WWOX: variants seen among roughly 807,000 people sequenced by gnomAD.
WWOX encodes the protein WW domain-containing oxidoreductase.
WWOX carries 69 observed loss-of-function variants against 46.2 expected under a neutral mutation model. The observed-to-expected ratio is 1.49, with a 90% confidence interval of 1.23 to 1.82. WWOX has a LOEUF of 1.82. WWOX is among the 40% of genes most tolerant of loss of function. The pLI, the probability that WWOX is intolerant of heterozygous loss-of-function variation, is 0.00. For missense variants in WWOX, 919 were observed against 542.6 expected (o/e 1.69, Z -6.89); for synonymous variants, 359 against 202.6 (o/e 1.77, Z -6.56).
At chr16:78,837,081 C>T (rs996470425) in intron 8 of WWOX, among the ~76,000 whole-genome samples, 4 of 151,690 alleles carry the variant, frequency 2.6e-5, no homozygotes, top group Non-Finnish European at 5.9e-5. Flanking sequence ...TTGCAGATGG[C>T]CCTTTGCTGC....
intron 8 of WWOX, among the ~76,000 whole-genome samples, chr16:78,726,714 T>C (rs985294174): frequency 3.5e-5 from 4 of 114,088 alleles, no homozygotes. Flanking sequence ...TGGTTTTGTT[T>C]TGTTTTGTTC....
At chr16:78,359,264 G>C (rs1435967184) in intron 5 of WWOX, among the ~76,000 whole-genome samples, 2 of 152,140 alleles carry the variant, frequency 1.3e-5, no homozygotes, top group African/African-American at 2.4e-5. Flanking sequence ...TTGGCAATTT[G>C]TTCCAATATT....
chr16:78,457,187 T>C (rs2083840546), intron 8 of WWOX, among the ~76,000 whole-genome samples: 1 of 152,372 alleles, frequency 6.6e-6, no homozygotes, highest in African/African-American at 2.4e-5. Context: ...TCTTCATTAA[T>C]AGACCTTTCA....
At chr16:78,641,832 G>A (rs1435826658) in intron 8 of WWOX, among the ~76,000 whole-genome samples, 1 of 152,214 alleles carries the variant, frequency 6.6e-6, no homozygotes, top group Non-Finnish European at 1.5e-5. Context: ...GCAGAAAGCA[G>A]CTGCAGAATT....
chr16:78,250,064 T>TG (rs1333237682), intron 5 of WWOX, among the ~76,000 whole-genome samples: 1 of 152,206 alleles, frequency 6.6e-6, no homozygotes, highest in Non-Finnish European at 1.5e-5. Context: ...GACCTGGCCT[T>TG]GGGCAAGCCA....
intron 8 of WWOX, among the ~76,000 whole-genome samples, chr16:79,079,610 C>G (rs554328314): frequency 6.6e-6 from 1 of 152,222 alleles, no homozygotes; most frequent in Non-Finnish European, 1.5e-5. Context: ...AAATGTTCGG[C>G]TTTGACCTGT....
At chr16:78,424,390 G>A (rs1019368974) in intron 6 of WWOX, among the ~76,000 whole-genome samples, 2 of 152,114 alleles carry the variant, frequency 1.3e-5, no homozygotes, top group African/African-American at 4.8e-5. Context: ...AAAGTGCTGG[G>A]ATTACAGGCG....
intron 8 of WWOX, among the ~76,000 whole-genome samples, chr16:78,625,129 A>G (rs1046995294): frequency 6.6e-6 from 1 of 152,176 alleles, no homozygotes; most frequent in Non-Finnish European, 1.5e-5. Context: ...TTCCTAAGCT[A>G]CTAAAACTTT....
At chr16:78,919,183 G>C (rs1252674717) in intron 8 of WWOX, among the ~76,000 whole-genome samples, 1 of 152,020 alleles carries the variant, frequency 6.6e-6, no homozygotes, top group Non-Finnish European at 1.5e-5. Flanking sequence ...ACATGCATGG[G>C]CTCTGTGCTA....
chr16:79,093,852 G>A (rs1471834805), intron 8 of WWOX, among the ~76,000 whole-genome samples: 1 of 152,136 alleles, frequency 6.6e-6, no homozygotes, highest in South Asian at 2.1e-4. Context: ...AAGGGGAACC[G>A]AGTGACTCAG....
At chr16:79,011,469 T>TTA (rs1172581986) in intron 8 of WWOX, among the ~76,000 whole-genome samples, 1 of 140,220 alleles carries the variant, frequency 7.1e-6, no homozygotes, top group African/African-American at 2.7e-5. Context: ...TTTTATTTAT[T>TTA]TATTTATTTA....
chr16:78,856,234 C>A lies in WWOX; in HGVS notation c.1057-355374C>A, dbSNP rs141281297. Among the ~76,000 whole-genome samples the A allele has an allele frequency of 2.0e-4, 31 of 152,278 alleles. 1 individual carries two copies. The East Asian group carries it at 2.9e-3, about 14-fold the overall frequency. ...AAAATGATAAGGATTTAGGCAGGGACTGCGTTGGAAAGGGCCTTGCAACAG... is the reference window on the plus strand; with the variant it reads ...AAAATGATAAGGATTTAGGCAGGGAATGCGTTGGAAAGGGCCTTGCAACAG... On this transcript the variant is annotated intron_variant, in intron 8 of 8. Transcript: ENST00000566780.
At chr16:78,661,814 A>G (rs1308433327) in intron 8 of WWOX, among the ~76,000 whole-genome samples, 1 of 152,208 alleles carries the variant, frequency 6.6e-6, no homozygotes, top group Non-Finnish European at 1.5e-5. Flanking sequence ...AGGCCGGTGT[A>G]TCGCCTGAGT....
At chr16:78,952,431 G>A (rs545033490) in intron 8 of WWOX, among the ~76,000 whole-genome samples, 4 of 148,578 alleles carry the variant, frequency 2.7e-5, no homozygotes, top group African/African-American at 1.0e-4. Context: ...CCCCCACGCT[G>A]GAGTACAGTG....
chr16:79,096,015 A>G (rs1490490961), intron 8 of WWOX, among the ~76,000 whole-genome samples: 1 of 58,302 alleles, frequency 1.7e-5, no homozygotes, highest in African/African-American at 1.2e-4. Flanking sequence ...ACACCCGGAT[A>G]ATTTTTTTTT....
chr16:78,735,713 A>G (rs1363854766), intron 8 of WWOX, among the ~76,000 whole-genome samples: 1 of 152,052 alleles, frequency 6.6e-6, no homozygotes, highest in Non-Finnish European at 1.5e-5. Flanking sequence ...CTCAAGTACT[A>G]GTTCTATGTC....
At chr16:78,465,749 C>T (rs539977073) in intron 8 of WWOX, among the ~76,000 whole-genome samples, 48 of 152,120 alleles carry the variant, frequency 3.2e-4, no homozygotes, top group Non-Finnish European at 6.6e-4. Flanking sequence ...CAGAGGGCAC[C>T]AGTAGTGTAA....
chr16:78,329,595 G>T lies in WWOX; in HGVS notation c.517-57265G>T, dbSNP rs566641444. On this transcript the variant is annotated intron_variant, in intron 5 of 8. Transcript: ENST00000566780. ...TTTGTGGCATCTGGCAATGTCCCCA[G>T]TGCAACCTATGTAAAATATAGCAGT... Among the ~76,000 whole-genome samples, 9 of 152,292 alleles carry T rather than the reference G, an allele frequency of 5.9e-5. No homozygotes were observed. The South Asian group carries it at 1.9e-3, about 32-fold the overall frequency.
At chr16:78,402,148 C>T (rs947834701) in intron 6 of WWOX, among the ~76,000 whole-genome samples, 1 of 152,228 alleles carries the variant, frequency 6.6e-6, no homozygotes, top group Non-Finnish European at 1.5e-5. Flanking sequence ...TCGCTACTTC[C>T]TCCAGTCCCA....
Sources: allele counts gnomAD v4.1 joint callset (sites outside exome capture counted in the v4.1 genomes callset), GRCh38; gene constraint gnomAD v4.1.1; transcripts MANE v1.5; gene names NCBI Gene and HGNC (gene_info 2026-07-23, HGNC 2026-07-21).